The following FHOD3 variants were observed in gnomAD, a reference collection of about 807,000 sequenced individuals.
FHOD3 encodes formin homology 2 domain containing 3.
In FHOD3, 90 loss-of-function variants were observed where a neutral mutation model predicts 173.0. The observed-to-expected ratio is 0.52, with a 90% confidence interval of 0.44 to 0.62. The LOEUF (loss-of-function observed/expected upper bound fraction) is 0.62, where lower values mean the gene tolerates loss of function less well. FHOD3 is among the 20% of genes least tolerant of loss of function. The pLI is 0.00. For synonymous variants in FHOD3, 828 were observed against 823.0 expected, an observed-to-expected ratio of 1.01 and a Z score of -0.10; for missense variants, 1,945 against 2,034.7, an observed-to-expected ratio of 0.96 and a Z score of 0.85.
At chr18:36,721,094 T>C (rs1568671470) in intron 19 of FHOD3, among the ~76,000 whole-genome samples, 1 of 152,188 alleles carries the variant, frequency 6.6e-6, no homozygotes, top group African/African-American at 2.4e-5. Context: ...AGTTCCATGA[T>C]TGCCTGAAGC....
intron 15 of FHOD3, among the ~76,000 whole-genome samples, chr18:36,683,120 G>A (rs1028499036): frequency 1.1e-4 from 17 of 152,290 alleles, no homozygotes; most frequent in African/African-American, 4.1e-4. Context: ...TCTACCAAAC[G>A]ATATTTGGAA....
intron 17 of FHOD3, among the ~76,000 whole-genome samples, chr18:36,695,560 T>C (rs2039234467): frequency 6.6e-6 from 1 of 152,214 alleles, no homozygotes; most frequent in African/African-American, 2.4e-5. Context: ...TCAAAAGTAC[T>C]GGCTCCTGTG....
At chr18:36,490,168 T>C (rs1194929146) in intron 3 of FHOD3, among the ~76,000 whole-genome samples, 3 of 152,184 alleles carry the variant, frequency 2.0e-5, no homozygotes, top group Non-Finnish European at 4.4e-5. Context: ...CTTTACTCTC[T>C]ACCATTCTTT....
chr18:36,460,961 G>A (rs1461506273), intron 3 of FHOD3, among the ~76,000 whole-genome samples: 1 of 152,208 alleles, frequency 6.6e-6, no homozygotes, highest in Non-Finnish European at 1.5e-5. Context: ...GCAGATGAAA[G>A]TTGTTGGCAG....
intron 6 of FHOD3, among the ~76,000 whole-genome samples, chr18:36,585,898 T>C (rs1434684179): frequency 1.3e-5 from 2 of 152,206 alleles, no homozygotes; most frequent in Admixed American, 6.5e-5. Context: ...AGAGATGTTC[T>C]GCCCTTTTCT....
chr18:36,298,152 A>C, intron 1 of FHOD3, 152 bp downstream of exon 1: 1 of 673,622 alleles, frequency 1.5e-6, no homozygotes, highest in Non-Finnish European at 2.2e-6. Flanking sequence ...CCTCCCCGTT[A>C]GACAGAAGGG....
rs187432847 is a variant in FHOD3 at position 36,612,751 on chromosome 18, G to A, written c.957+656G>A. ...ATGCAAATATAAGAGCCTTTAACTT[G>A]TAGGCAGAATCAGCCAAATTACCTA... On this transcript the variant is annotated intron_variant, in intron 9 of 28. Transcript: ENST00000590592. 3.3e-5 allele frequency among the ~76,000 whole-genome samples: 5 copies of A among 152,296 alleles called. No individual in the cohort carries two copies. In the East Asian group the frequency reaches 7.7e-4, roughly 23 times the overall value.
At chr18:36,510,779 T>C (rs1034244357) in intron 4 of FHOD3, among the ~76,000 whole-genome samples, 2 of 152,212 alleles carry the variant, frequency 1.3e-5, no homozygotes, top group African/African-American at 4.8e-5. Flanking sequence ...ACTCATGATA[T>C]TGTCCCATTT....
At chr18:36,369,498 C>CACACATATAT (rs1555682884) in intron 2 of FHOD3, among the ~76,000 whole-genome samples, 9 of 95,980 alleles carry the variant, frequency 9.4e-5, no homozygotes, top group Non-Finnish European at 1.6e-4. Context: ...CACACACACA[C>CACACATATAT]ATATATATAG....
intron 20 of FHOD3, among the ~76,000 whole-genome samples, chr18:36,733,360 A>G (rs111419172): frequency 0.014 from 2,111 of 152,280 alleles, 52 homozygotes; most frequent in South Asian, 0.083. Context: ...GGGCCATCCT[A>G]TTTACACAAC....
chr18:36,625,835 C>A, intron 10 of FHOD3, 86 bp downstream of exon 10: 1 of 1,187,468 alleles, frequency 8.4e-7, no homozygotes, highest in Non-Finnish European at 1.2e-6. Context: ...CCCCTCCCTG[C>A]TGGCCACTTT....
chr18:36,770,017 G>A (rs949662592), intron 28 of FHOD3, among the ~76,000 whole-genome samples: 2 of 152,072 alleles, frequency 1.3e-5, no homozygotes, highest in Admixed American at 1.3e-4. Flanking sequence ...TTTCCTTTTT[G>A]GTCTGAACCT....
At chr18:36,409,359 T>C (rs1165173550) in intron 3 of FHOD3, among the ~76,000 whole-genome samples, 2 of 152,210 alleles carry the variant, frequency 1.3e-5, no homozygotes, top group Non-Finnish European at 2.9e-5. Context: ...TCATCCATGC[T>C]GTTGGCTGTC....
chr18:36,727,907 A>G (rs548984124), intron 19 of FHOD3, among the ~76,000 whole-genome samples: 89 of 152,290 alleles, frequency 5.8e-4, no homozygotes, highest in Admixed American at 2.0e-3. Flanking sequence ...CTGGGCTCCT[A>G]GAGTGATGGG....
chr18:36,534,330 T>C (rs1052951069), intron 5 of FHOD3, among the ~76,000 whole-genome samples: 1 of 152,136 alleles, frequency 6.6e-6, no homozygotes, highest in Non-Finnish European at 1.5e-5. Context: ...AGACAGTGTC[T>C]CATGGCCAGC....
At chr18:36,450,460 T>TTTATTTAA (rs2051773493) in intron 3 of FHOD3, among the ~76,000 whole-genome samples, 1 of 139,656 alleles carries the variant, frequency 7.2e-6, no homozygotes, top group Non-Finnish European at 1.5e-5. Context: ...TATTTATTTA[T>TTTATTTAA]TTATTTATTT....
chr18:36,419,065 G>C (rs1286684491), intron 3 of FHOD3, among the ~76,000 whole-genome samples: 1 of 152,034 alleles, frequency 6.6e-6, no homozygotes, highest in Admixed American at 6.6e-5. Context: ...AACTTACAAG[G>C]TTAAAATCAT....
intron 1 of FHOD3, among the ~76,000 whole-genome samples, chr18:36,323,547 C>CAGGGACAG (rs1291619150): frequency 6.6e-6 from 1 of 152,160 alleles, no homozygotes; most frequent in Non-Finnish European, 1.5e-5. Context: ...CACTTGATCC[C>CAGGGACAG]AGGGACAGAG....
At chr18:36,559,989 G>A (rs1300926453) in intron 5 of FHOD3, among the ~76,000 whole-genome samples, 1 of 152,146 alleles carries the variant, frequency 6.6e-6, no homozygotes, top group Non-Finnish European at 1.5e-5. Flanking sequence ...CTTTTGGAAA[G>A]TGAATTCTTT....
Sources: allele counts gnomAD v4.1 joint callset (sites outside exome capture counted in the v4.1 genomes callset), GRCh38; gene constraint gnomAD v4.1.1; transcripts MANE v1.5; gene names NCBI Gene and HGNC (gene_info 2026-07-23, HGNC 2026-07-21).